CACNA1A: variants seen among roughly 807,000 people sequenced by gnomAD.
The protein encoded by CACNA1A is calcium voltage-gated channel subunit alpha1 A.
In CACNA1A, 57 loss-of-function variants were observed where a neutral mutation model predicts 262.4. That is an observed-to-expected ratio of 0.22 (90% CI 0.18 to 0.27). The LOEUF (loss-of-function observed/expected upper bound fraction) is 0.27, where lower values mean the gene tolerates loss of function less well. Ranked by LOEUF, CACNA1A falls within the 10% of genes least tolerant of loss-of-function variation. The pLI is 1.00. For missense variants in CACNA1A, 2,526 were observed against 3,562.8 expected, an observed-to-expected ratio of 0.71 and a Z score of 7.41; for synonymous variants, 1,431 against 1,419.3, an observed-to-expected ratio of 1.01 and a Z score of -0.18.
rs757251710 is a variant in CACNA1A at position 13,207,731 on chromosome 19, T to A, written c.7103A>T (p.Glu2368Val). 3.6e-6 allele frequency: 5 copies of A among 1,370,700 alleles called. No individual in the cohort carries two copies. The highest frequency in any genetic ancestry group is 4.7e-6 in the Non-Finnish European group (5 of 1,068,646). 84.9% of individuals were successfully genotyped at this position (1,370,700 alleles called of 1,614,324 possible). Residue 2368 changes from glutamate to valine, a missense_variant, in exon 47 of 47, where the codon GAG becomes GTG. This residue lies in a region of CACNA1A where 929 missense variants were observed against 868.1 expected (regional missense o/e 1.07). Coordinates refer to ENST00000360228, the MANE Select transcript of CACNA1A (RefSeq NM_001127222.2). This position sits in a 1 kb window ranked among gnomAD's most constrained non-coding sequence, Gnocchi z 5.7. ...CCGGGCCGGGCCTGGGACCCGCCTCTCCATCCTGGGCGAGCGGCCGCTGCT... is the reference window on the plus strand; with the variant it reads ...CCGGGCCGGGCCTGGGACCCGCCTCACCATCCTGGGCGAGCGGCCGCTGCT... The part of the protein sequence containing the change: ...GHSSGRSPRM[E>V]RRVPGPARSE...
intron 1 of CACNA1A, among the ~76,000 whole-genome samples, chr19:13,501,017 G>A (rs765655528): frequency 3.3e-5 from 5 of 152,042 alleles, no homozygotes; most frequent in Non-Finnish European, 5.9e-5. Context: ...GTGGTTGAAG[G>A]GGCTGGAGAA....
At position 13,277,117 on chromosome 19, in the gene CACNA1A, G is replaced by A. The variant is rs1270499664; in HGVS notation, c.3834C>T (p.Tyr1278=). 1 of 1,611,758 alleles carries A rather than the reference G, an allele frequency of 6.2e-7. No individual in the cohort carries two copies. Among genetic ancestry groups the A allele is most frequent in the Non-Finnish European group, 8.5e-7 (1 of 1,177,948 alleles). ...AGACGCCTGTAAAAACGTAGTCAAAGTATCGCAGCACCTGTAAGGGATAAA... is the reference window on the plus strand; with the variant it reads ...AGACGCCTGTAAAAACGTAGTCAAAATATCGCAGCACCTGTAAGGGATAAA... ...PNAPRNNVLR[Y]FDYVFTGVFT... is the part of the protein sequence containing the mutation. Residue 1278 remains tyrosine (Y), a synonymous_variant, in exon 23 of 47, where the codon TAC becomes TAT. Transcript: ENST00000360228.
intron 3 of CACNA1A, among the ~76,000 whole-genome samples, chr19:13,421,836 C>T (rs923399365): frequency 2.0e-5 from 3 of 152,156 alleles, no homozygotes; most frequent in African/African-American, 7.2e-5. Context: ...AGGATTAAAA[C>T]AGGTGCTCTC....
intron 24 of CACNA1A, among the ~76,000 whole-genome samples, chr19:13,266,036 G>C (rs533095491): frequency 4.6e-5 from 7 of 152,088 alleles, no homozygotes; most frequent in Non-Finnish European, 8.8e-5. Context: ...TAGAGACGGG[G>C]TTTCTCCATG....
At chr19:13,321,064 C>T (rs2058242527) in intron 10 of CACNA1A, among the ~76,000 whole-genome samples, 2 of 140,166 alleles carry the variant, frequency 1.4e-5, no homozygotes, top group African/African-American at 2.7e-5. Flanking sequence ...GATAGAGTCT[C>T]ATTCTGTCAC....
intron 31 of CACNA1A, among the ~76,000 whole-genome samples, chr19:13,242,858 G>T (rs34206793): frequency 0.15 from 22,211 of 152,156 alleles, 1,670 homozygotes; most frequent in South Asian, 0.24. Context: ...AGCGCAAGTT[G>T]TCCAAGATCA....
chr19:13,337,928 T>C (rs2058603851), intron 6 of CACNA1A, among the ~76,000 whole-genome samples: 1 of 152,042 alleles, frequency 6.6e-6, no homozygotes. Flanking sequence ...TCTAAAAATA[T>C]CTAAAAACAG....
intron 31 of CACNA1A, among the ~76,000 whole-genome samples, chr19:13,237,353 A>G (rs2055911196): frequency 6.6e-6 from 1 of 152,194 alleles, no homozygotes; most frequent in Non-Finnish European, 1.5e-5. Context: ...CAGGCCACGT[A>G]GCAAGATTTA....
intron 27 of CACNA1A, chr19:13,258,213 C>T (rs1237091062): frequency 6.6e-6 from 1 of 152,180 alleles, no homozygotes; most frequent in African/African-American, 2.4e-5. Flanking sequence ...GAAGACCACC[C>T]ACTTATAAGT....
chr19:13,398,990 G>A (rs1214656401), intron 3 of CACNA1A, among the ~76,000 whole-genome samples: 1 of 152,150 alleles, frequency 6.6e-6, no homozygotes, highest in African/African-American at 2.4e-5. Flanking sequence ...ACATTCCCAT[G>A]ATCCTCCTGC....
intron 19 of CACNA1A, among the ~76,000 whole-genome samples, chr19:13,287,712 G>A (rs971128819): frequency 1.3e-5 from 2 of 151,862 alleles, no homozygotes; most frequent in Non-Finnish European, 2.9e-5. Context: ...ATTTTGGCCA[G>A]GCTGGTCTCG....
chr19:13,344,772 A>G (rs891127481), intron 6 of CACNA1A, among the ~76,000 whole-genome samples: 3 of 150,988 alleles, frequency 2.0e-5, no homozygotes, highest in East Asian at 1.9e-4. Context: ...TTATTTATTT[A>G]GGGACAGAAT....
In CACNA1A at chr19:13,330,244, C is replaced by A. The variant is rs1194605924; in HGVS notation, c.1345G>T (p.Gly449Cys). The change falls in exon 10 of 47, where the codon GGT becomes TGT. Residue 449 changes from glycine (G) to cysteine (C), a missense_variant and splice_region_variant. Around this residue, in one of 17 missense-constraint regions of CACNA1A, gnomAD observed 104 missense variants for 127.6 expected, o/e 0.81. Coordinates refer to ENST00000360228, the MANE Select transcript of CACNA1A (RefSeq NM_001127222.2). Reference protein sequence around the residue: ...EDQLADIASVGSPFARASIKS... With the variant: ...EDQLADIASVCSPFARASIKS... ...ATAGGTGGCAGAGGAAGGGACTCAC[C>A]CACAGAGGCTATATCAGCCAGCTGA... The A allele has an allele frequency of 1.9e-6, 3 of 1,553,250 alleles. No individual in the cohort carries two copies. In the South Asian group the frequency reaches 3.6e-5, roughly 18 times the overall value.
intron 3 of CACNA1A, among the ~76,000 whole-genome samples, chr19:13,376,853 C>CATGAT (rs1286269827): frequency 5.6e-5 from 8 of 142,866 alleles, no homozygotes; most frequent in Non-Finnish European, 1.1e-4. Flanking sequence ...ATATATAACA[C>CATGAT]ATATGTTATA....
At chr19:13,329,779 G>T (rs1280734717) in intron 10 of CACNA1A, among the ~76,000 whole-genome samples, 1 of 127,280 alleles carries the variant, frequency 7.9e-6, no homozygotes, top group African/African-American at 3.5e-5. Flanking sequence ...GGCTCAGTTT[G>T]TGTCTTTTTT....
At chr19:13,403,280 G>A (rs748243341) in intron 3 of CACNA1A, among the ~76,000 whole-genome samples, 15 of 151,904 alleles carry the variant, frequency 9.9e-5, no homozygotes, top group Admixed American at 2.6e-4. Flanking sequence ...GTTGTTCTTT[G>A]CCTGGGACAT....
intron 3 of CACNA1A, among the ~76,000 whole-genome samples, chr19:13,420,305 G>A (rs1447743517): frequency 6.6e-6 from 1 of 151,610 alleles, no homozygotes; most frequent in Non-Finnish European, 1.5e-5. Context: ...CTTTTCTTAA[G>A]TAAAGCAGTG....
chr19:13,325,807 T>A (rs1210197792), intron 10 of CACNA1A, among the ~76,000 whole-genome samples: 1 of 152,206 alleles, frequency 6.6e-6, no homozygotes, highest in African/African-American at 2.4e-5. Context: ...TTATAGTGCA[T>A]AACATGATAT....
At chr19:13,297,041 C>A (rs1165329087) in intron 19 of CACNA1A, among the ~76,000 whole-genome samples, 1 of 152,168 alleles carries the variant, frequency 6.6e-6, no homozygotes, top group Non-Finnish European at 1.5e-5. Context: ...TTTCAAACTT[C>A]CAAAGAATAG....
Sources: gnomAD v4.1 joint callset for allele counts (sites outside exome capture counted in the v4.1 genomes callset) on GRCh38, gnomAD v4.1.1 for gene constraint, gnomAD v4.1.1 regional missense constraint, Gnocchi (gnomAD v3.1) non-coding constraint, MANE v1.5 for transcripts, NCBI Gene and HGNC (gene_info 2026-07-23, HGNC 2026-07-21) for gene names.